OXR1: variants seen among roughly 807,000 people sequenced by gnomAD.
The protein encoded by OXR1 is oxidation resistance 1, also known as oxidation resistance protein 1.
OXR1 carries 41 observed loss-of-function variants against 104.6 expected under a neutral mutation model. The observed-to-expected ratio is 0.39, with a 90% CI of 0.31 to 0.51. OXR1 has a LOEUF of 0.51. Ranked by LOEUF, OXR1 falls within the 20% of genes least tolerant of loss-of-function variation. The pLI is 0.77. For missense variants in OXR1, 955 were observed against 1,031.9 expected, an observed-to-expected ratio of 0.93 and a Z score of 1.02; for synonymous variants, 348 against 348.4, an observed-to-expected ratio of 1.00 and a Z score of 0.01.
intron 11 of OXR1, among the ~76,000 whole-genome samples, chr8:106,730,415 C>G (rs1162854181): frequency 6.6e-6 from 1 of 151,660 alleles, no homozygotes; most frequent in Non-Finnish European, 1.5e-5. Flanking sequence ...CCAGTGAACA[C>G]CTGGCACCCA....
intron 4 of OXR1, among the ~76,000 whole-genome samples, chr8:106,681,678 C>G (rs1215890260): frequency 6.6e-6 from 1 of 152,098 alleles, no homozygotes; most frequent in East Asian, 1.9e-4. Context: ...GCATGCATCA[C>G]CACGCCCAGC....
chr8:106,433,889 T>C (rs556853897), intron 2 of OXR1, among the ~76,000 whole-genome samples: 2 of 152,312 alleles, frequency 1.3e-5, no homozygotes, highest in Admixed American at 1.3e-4. Context: ...GTTTTTTCCT[T>C]GTAGATGTAT....
intron 2 of OXR1, among the ~76,000 whole-genome samples, chr8:106,393,264 C>G (rs1817651599): frequency 6.6e-6 from 1 of 152,110 alleles, no homozygotes; most frequent in African/African-American, 2.4e-5. Flanking sequence ...CACAAATTTC[C>G]TAATGGTAAA....
intron 1 of OXR1, among the ~76,000 whole-genome samples, chr8:106,327,242 T>C (rs185855693): frequency 2.3e-3 from 355 of 152,308 alleles, no homozygotes; most frequent in African/African-American, 8.1e-3. Flanking sequence ...AGATTAAAAA[T>C]ATAGTGAGCA....
chr8:106,373,415 C>G (rs1022958818), intron 2 of OXR1, among the ~76,000 whole-genome samples: 3 of 152,150 alleles, frequency 2.0e-5, no homozygotes, highest in African/African-American at 7.2e-5. Flanking sequence ...AGTGAGGAAT[C>G]AGGTATAACA....
intron 1 of OXR1, among the ~76,000 whole-genome samples, chr8:106,338,859 ACTCT>A (rs1815076170): frequency 6.6e-6 from 1 of 150,772 alleles, no homozygotes. Flanking sequence ...TCTCTCTGTA[ACTCT>A]CTCACTCACC....
At chr8:106,575,717 GA>G (rs1817779190) in intron 3 of OXR1, among the ~76,000 whole-genome samples, 1 of 141,176 alleles carries the variant, frequency 7.1e-6, no homozygotes, top group Admixed American at 7.1e-5. Flanking sequence ...AAAAAAAAGA[GA>G]AAGGGGCTTG....
At chr8:106,519,234 A>G in intron 3 of OXR1, 95 bp downstream of exon 3, 2 of 720,112 alleles carry the variant, frequency 2.8e-6, no homozygotes, top group Non-Finnish European at 4.6e-6. Context: ...GCTCCTTGTT[A>G]TAAAACATGT....
At chr8:106,586,288 A>T (rs1818623349) in intron 3 of OXR1, among the ~76,000 whole-genome samples, 1 of 152,164 alleles carries the variant, frequency 6.6e-6, no homozygotes, top group Non-Finnish European at 1.5e-5. Flanking sequence ...CCTGGTGAAT[A>T]CGATGGGGTG....
chr8:106,652,954 G>A (rs1197864972), intron 3 of OXR1, among the ~76,000 whole-genome samples: 1 of 150,768 alleles, frequency 6.6e-6, no homozygotes, highest in Non-Finnish European at 1.5e-5. Context: ...ATATAAATCA[G>A]AGAAATGAAC....
chr8:106,411,711 C>G (rs753244079), intron 2 of OXR1, among the ~76,000 whole-genome samples: 6 of 152,142 alleles, frequency 3.9e-5, no homozygotes, highest in Non-Finnish European at 8.8e-5. Flanking sequence ...AAGATTTTGA[C>G]TCTTAGAACT....
intron 1 of OXR1, among the ~76,000 whole-genome samples, chr8:106,326,215 C>T (rs1160168704): frequency 6.6e-6 from 1 of 152,230 alleles, no homozygotes; most frequent in Non-Finnish European, 1.5e-5. Context: ...GTCCAAGAAG[C>T]ATTCCCAAGG....
At chr8:106,557,823 G>GT (rs1294828345) in intron 3 of OXR1, among the ~76,000 whole-genome samples, 5 of 152,180 alleles carry the variant, frequency 3.3e-5, no homozygotes, top group Admixed American at 1.3e-4. Flanking sequence ...TCAGAAGTGG[G>GT]TTCTTTGTTG....
intron 1 of OXR1, among the ~76,000 whole-genome samples, chr8:106,292,761 G>T (rs1271678800): frequency 6.6e-6 from 1 of 152,224 alleles, no homozygotes; most frequent in African/African-American, 2.4e-5. Context: ...AGAAGACAGG[G>T]AGGCACCAGG....
intron 4 of OXR1, among the ~76,000 whole-genome samples, chr8:106,680,310 TTA>T (rs1235545441): frequency 6.6e-6 from 1 of 152,150 alleles, no homozygotes; most frequent in Non-Finnish European, 1.5e-5. Flanking sequence ...AATAAGTTTT[TTA>T]TAGGTAACCT....
chr8:106,475,902 A>G (rs1418700086), intron 2 of OXR1, among the ~76,000 whole-genome samples: 2 of 151,800 alleles, frequency 1.3e-5, no homozygotes, highest in African/African-American at 4.8e-5. Context: ...TTTTTTTGCC[A>G]TATCCACAAT....
At chr8:106,511,799 A>C (rs899461998) in intron 2 of OXR1, among the ~76,000 whole-genome samples, 9 of 152,160 alleles carry the variant, frequency 5.9e-5, no homozygotes, top group African/African-American at 2.2e-4. Flanking sequence ...AAGTTTATCT[A>C]TTTCTCCTAA....
At chr8:106,425,976 A>G (rs7004750) in intron 2 of OXR1, among the ~76,000 whole-genome samples, 9,894 of 152,182 alleles carry the variant, frequency 0.065, 1,146 homozygotes, top group African/African-American at 0.23. Context: ...AACAGAGTGA[A>G]TGAAGGGGAG....
intron 3 of OXR1, among the ~76,000 whole-genome samples, chr8:106,535,878 T>C (rs1207155476): frequency 6.6e-6 from 1 of 152,144 alleles, no homozygotes; most frequent in Non-Finnish European, 1.5e-5. Context: ...TAATTCCTAA[T>C]GTGTGAACTA....
Sources: gnomAD v4.1 joint callset for allele counts (sites outside exome capture counted in the v4.1 genomes callset) on GRCh38, gnomAD v4.1.1 for gene constraint, MANE v1.5 for transcripts, NCBI Gene and HGNC (gene_info 2026-07-23, HGNC 2026-07-21) for gene names.